The following CELA2A variants were observed in gnomAD, a reference collection of about 807,000 sequenced individuals.
The protein encoded by CELA2A is chymotrypsin like elastase 2A.
A neutral mutation model predicts 35.3 loss-of-function variants in CELA2A; 31 were observed. That is an observed-to-expected ratio of 0.88 (90% CI 0.66 to 1.19). The LOEUF is 1.19. Ranked by LOEUF, CELA2A falls within the 50% of genes most tolerant of loss-of-function variation. The pLI is 0.00. For missense variants in CELA2A, 330 were observed against 352.9 expected (o/e 0.94, Z 0.52); for synonymous variants, 150 against 149.8 (o/e 1.00, Z -0.01).
intron 5 of CELA2A, 51 bp downstream of exon 5, chr1:15,463,573 A>T: frequency 6.2e-7 from 1 of 1,611,876 alleles, no homozygotes; most frequent in Non-Finnish European, 8.5e-7. Flanking sequence ...GAGGTGATTC[A>T]CGTCACCCCT....
chr1:15,466,509 C>T (rs915744714), intron 6 of CELA2A, among the ~76,000 whole-genome samples: 2 of 151,848 alleles, frequency 1.3e-5, no homozygotes. Context: ...TTGCAGTGAG[C>T]TGAGATCACA....
chr1:15,461,498 C>T, intron 2 of CELA2A, 63 bp from the exon 3 acceptor site: 1 of 1,576,018 alleles, frequency 6.3e-7, no homozygotes, highest in Non-Finnish European at 8.7e-7. Flanking sequence ...TCTTGGGAAA[C>T]TGGAGTGCAG....
At chr1:15,463,918 A>T (rs1708476363) in intron 5 of CELA2A, among the ~76,000 whole-genome samples, 1 of 151,656 alleles carries the variant, frequency 6.6e-6, no homozygotes. Flanking sequence ...AGGATGTGGC[A>T]GTGTGCACCT....
chr1:15,463,185 C>A (rs1023735154), intron 4 of CELA2A, among the ~76,000 whole-genome samples: 1 of 152,160 alleles, frequency 6.6e-6, no homozygotes, highest in African/African-American at 2.4e-5. Context: ...GTGACTGTCC[C>A]TGGAGTAGGA....
At chr1:15,468,555 G>A (rs896611064) in intron 7 of CELA2A, among the ~76,000 whole-genome samples, 18 of 151,974 alleles carry the variant, frequency 1.2e-4, no homozygotes, top group African/African-American at 2.9e-4. Context: ...GCCTGTAATC[G>A]CAGCACTTTG....
intron 7 of CELA2A, among the ~76,000 whole-genome samples, chr1:15,468,267 G>A (rs909396681): frequency 1.3e-5 from 2 of 152,050 alleles, no homozygotes; most frequent in Non-Finnish European, 2.9e-5. Context: ...GTCCACCTCA[G>A]GGGTCCTCCA....
At chr1:15,459,699 GAA>G (rs935822928) in intron 2 of CELA2A, among the ~76,000 whole-genome samples, 7 of 152,110 alleles carry the variant, frequency 4.6e-5, no homozygotes, top group African/African-American at 4.8e-5. Flanking sequence ...GTTAATCCAT[GAA>G]GAGTCCCTAT....
intron 3 of CELA2A, chr1:15,462,011 A>T: frequency 2.0e-6 from 1 of 510,732 alleles, no homozygotes; most frequent in Non-Finnish European, 3.9e-6. Flanking sequence ...CCTGCAGAAA[A>T]ATGGAGTAAC....
At chr1:15,463,209 G>A (rs1254541797) in intron 4 of CELA2A, among the ~76,000 whole-genome samples, 177 bp from the exon 5 acceptor site, 1 of 152,136 alleles carries the variant, frequency 6.6e-6, no homozygotes, top group East Asian at 1.9e-4. Flanking sequence ...AATCTCTCCT[G>A]CCTTCCCCCT....
chr1:15,456,938 G>A (rs1708368577), intron 1 of CELA2A, 145 bp downstream of exon 1: 7 of 1,322,556 alleles, frequency 5.3e-6, no homozygotes, highest in Non-Finnish European at 6.4e-6. Context: ...GAGTTTCAAA[G>A]AATTGGAGCA....
chr1:15,466,489 G>A, intron 6 of CELA2A, among the ~76,000 whole-genome samples: 1 of 152,010 alleles, frequency 6.6e-6, no homozygotes, highest in Admixed American at 6.5e-5. Flanking sequence ...TTGAACCCAT[G>A]AGGCGGAGGT....
At chr1:15,463,588 G>A in intron 5 of CELA2A, 66 bp downstream of exon 5, 1 of 1,606,822 alleles carries the variant, frequency 6.2e-7, no homozygotes, top group Non-Finnish European at 8.5e-7. Context: ...ACCCCTGTCT[G>A]GCCGGGGCCT....
At chr1:15,462,611 G>A in intron 3 of CELA2A, 122 bp from the exon 4 acceptor site, 3 of 1,220,012 alleles carry the variant, frequency 2.5e-6, no homozygotes, top group Non-Finnish European at 3.5e-6. Flanking sequence ...TCCCAGGGGA[G>A]GAAAGATCCC....
intron 5 of CELA2A, among the ~76,000 whole-genome samples, chr1:15,464,117 C>T (rs1271288028): frequency 6.6e-6 from 1 of 152,122 alleles, no homozygotes; most frequent in Non-Finnish European, 1.5e-5. Context: ...AGGAGATAAT[C>T]CATAGGAAGC....
rs114713431 is a variant in CELA2A, at chr1:15,460,686, G to T, written c.130-875G>T. 5.9e-3 allele frequency among the ~76,000 whole-genome samples: 886 copies of T among 149,056 alleles called. 9 individuals carry two copies. Among genetic ancestry groups the T allele is most frequent in the African/African-American group, 0.021 (832 of 40,464 alleles). On this transcript the variant is annotated intron_variant, in intron 2 of 7. Coordinates refer to ENST00000359621, the MANE Select transcript of CELA2A (RefSeq NM_033440.3). ...TTTTTTAAAGACCTGGTCTCACTCT[G>T]TTAATTTTATTTTATTTTAAAATTT...
intron 7 of CELA2A, among the ~76,000 whole-genome samples, chr1:15,470,923 G>A (rs1708581683): frequency 6.6e-6 from 1 of 152,108 alleles, no homozygotes; most frequent in Admixed American, 6.5e-5. Flanking sequence ...TCAACTTTAT[G>A]TGCATATATA....
intron 7 of CELA2A, among the ~76,000 whole-genome samples, chr1:15,469,126 C>T (rs1408069902): frequency 2.0e-5 from 3 of 152,000 alleles, no homozygotes; most frequent in East Asian, 1.9e-4. Flanking sequence ...TGCAGTAACC[C>T]GAGTTCGCAC....
chr1:15,468,068 G>A (rs112345628), intron 7 of CELA2A, among the ~76,000 whole-genome samples: 3,977 of 142,952 alleles, frequency 0.028, 69 homozygotes, highest in Non-Finnish European at 0.042. Flanking sequence ...CTCCAGCCTG[G>A]ACAAGAAGAG....
chr1:15,463,845 C>A (rs559115973), intron 5 of CELA2A, among the ~76,000 whole-genome samples: 1 of 151,750 alleles, frequency 6.6e-6, no homozygotes, highest in African/African-American at 2.4e-5. Context: ...GGTCAGGAGA[C>A]CAGCCTGACC....
Sources: allele counts gnomAD v4.1 joint callset (sites outside exome capture counted in the v4.1 genomes callset), GRCh38; gene constraint gnomAD v4.1.1; transcripts MANE v1.5; gene names NCBI Gene and HGNC (gene_info 2026-07-23, HGNC 2026-07-21).